ADGRD1: variants seen among roughly 807,000 people sequenced by gnomAD.
ADGRD1 encodes adhesion G protein-coupled receptor D1, also known as G-protein coupled receptor 133.
A neutral mutation model predicts 113.4 loss-of-function variants in ADGRD1; 77 were observed. That is an observed-to-expected ratio of 0.68 (90% CI 0.57 to 0.82). The LOEUF is 0.82. Among genes scored for constraint, ADGRD1 ranks in the 40% least tolerant of loss-of-function variants. ADGRD1 has a pLI of 0.00. For synonymous variants in ADGRD1, 474 were observed against 475.0 expected (o/e 1.00, Z 0.03); for missense variants, 1,036 against 1,139.1 (o/e 0.91, Z 1.30).
At chr12:131,009,282 TG>T (rs1417194514) in intron 12 of ADGRD1, among the ~76,000 whole-genome samples, 1 of 152,266 alleles carries the variant, frequency 6.6e-6, no homozygotes, top group African/African-American at 2.4e-5. Flanking sequence ...CAGACACACC[TG>T]AACTAAGCGA....
At chr12:130,957,587 C>A (rs1869806493) in intron 2 of ADGRD1, 1 of 152,334 alleles carries the variant, frequency 6.6e-6, no homozygotes, top group Non-Finnish European at 1.5e-5. Context: ...TATGTACACA[C>A]ACATGCACAT....
intron 11 of ADGRD1, 34 bp from the exon 12 acceptor site, chr12:131,005,938 G>C (rs35387826): frequency 6.4e-7 from 1 of 1,573,028 alleles, no homozygotes; most frequent in East Asian, 2.2e-5. Context: ...GGCCTGGAGC[G>C]CTGACAGCGC....
intron 19 of ADGRD1, 65 bp downstream of exon 19, chr12:131,118,516 C>T (rs908279885): frequency 7.2e-6 from 9 of 1,254,402 alleles, no homozygotes; most frequent in Admixed American, 2.0e-5. Flanking sequence ...GCGAGAGCCC[C>T]GTGGCTCTTG....
At chr12:131,036,606 GGGCCTCACTCACCGCACCA>G (rs1881438424) in intron 13 of ADGRD1, among the ~76,000 whole-genome samples, 2 of 125,998 alleles carry the variant, frequency 1.6e-5, no homozygotes, top group African/African-American at 5.7e-5. Flanking sequence ...TCACTGCACC[GGGCCTCACTCACCGCACCA>G]GGCCTCACTC....
At chr12:130,958,646 GC>G (rs1869971415) in intron 2 of ADGRD1, among the ~76,000 whole-genome samples, 1 of 152,274 alleles carries the variant, frequency 6.6e-6, no homozygotes, top group South Asian at 2.1e-4. Flanking sequence ...AGGCTCGCCT[GC>G]CCCCGGGCAG....
intron 12 of ADGRD1, among the ~76,000 whole-genome samples, chr12:131,011,553 A>C (rs1877898498): frequency 6.6e-6 from 1 of 152,058 alleles, no homozygotes; most frequent in African/African-American, 2.4e-5. Flanking sequence ...AGTGAACCAA[A>C]CGGGAAAGCA....
intron 15 of ADGRD1, among the ~76,000 whole-genome samples, chr12:131,088,294 C>T (rs1159104571): frequency 3.3e-5 from 5 of 152,180 alleles, no homozygotes; most frequent in African/African-American, 9.7e-5. Context: ...AGGTAGCACC[C>T]GGGCCATGGG....
chr12:130,972,147 G>A (rs553007894), intron 4 of ADGRD1, among the ~76,000 whole-genome samples: 4 of 152,314 alleles, frequency 2.6e-5, no homozygotes, highest in South Asian at 4.1e-4. Flanking sequence ...ACTTGCTTTC[G>A]TTTGCTTTTA....
intron 23 of ADGRD1, chr12:131,137,828 C>CCCCCCTCCCCCCCCCCCCCT: frequency 6.4e-6 from 1 of 155,788 alleles, no homozygotes; most frequent in Non-Finnish European, 1.4e-5. Flanking sequence ...GCCCACCCGC[C>CCCCCCTCCCCCCCCCCCCCT]TGCCTGCCCA....
intron 8 of ADGRD1, among the ~76,000 whole-genome samples, chr12:130,997,349 C>A (rs1194311321): frequency 1.3e-5 from 2 of 149,924 alleles, no homozygotes; most frequent in Non-Finnish European, 1.5e-5. Flanking sequence ...CGGGCGGAGA[C>A]GCTCCTCACT....
intron 13 of ADGRD1, among the ~76,000 whole-genome samples, chr12:131,064,494 A>G (rs75521271): frequency 0.011 from 1,658 of 152,334 alleles, 12 homozygotes; most frequent in Middle Eastern, 0.017. Context: ...CAGCATTCCA[A>G]TTGAAGACTG....
At chr12:130,959,598 G>A (rs943972062) in intron 2 of ADGRD1, among the ~76,000 whole-genome samples, 3 of 152,132 alleles carry the variant, frequency 2.0e-5, no homozygotes, top group Non-Finnish European at 2.9e-5. Flanking sequence ...TTATTGACTT[G>A]TCTGTGCACA....
At chr12:130,996,336 C>T (rs1194770321) in intron 8 of ADGRD1, among the ~76,000 whole-genome samples, 4 of 135,042 alleles carry the variant, frequency 3.0e-5, no homozygotes, top group South Asian at 2.3e-4. Context: ...GGGCTCCTCA[C>T]TTCCCAGTAG....
Position 131,072,073 on chromosome 12 carries a change from T to G in ADGRD1, c.1474-4728T>G, listed in dbSNP as rs556286254. On this transcript the variant is annotated intron_variant, in intron 13 of 24. Transcript: ENST00000261654. ...TCCCCACGCAATTCAGAGTACTTTC[T>G]TTTCTTTGGGTTTTGAAACAGCAAT... Among the ~76,000 whole-genome samples the G allele has an allele frequency of 1.5e-4, 23 of 150,910 alleles. No homozygotes were observed. The South Asian group carries it at 3.2e-3, about 21-fold the overall frequency.
At chr12:131,005,918 TC>T (rs1877046726) in intron 11 of ADGRD1, 53 bp from the exon 12 acceptor site, 3 of 1,419,152 alleles carry the variant, frequency 2.1e-6, no homozygotes. Context: ...TTTGTGTTTT[TC>T]CTGCCTGTGG....
intron 2 of ADGRD1, among the ~76,000 whole-genome samples, chr12:130,961,779 G>A (rs1055629453): frequency 1.1e-4 from 16 of 152,024 alleles, no homozygotes; most frequent in Non-Finnish European, 2.1e-4. Context: ...ACCACACAAT[G>A]TTTTATTTTA....
At chr12:131,034,398 C>T (rs1365958184) in intron 13 of ADGRD1, among the ~76,000 whole-genome samples, 1 of 152,368 alleles carries the variant, frequency 6.6e-6, no homozygotes, top group Admixed American at 6.5e-5. Context: ...CACTGCCCAG[C>T]CCAGCCTCGC....
intron 13 of ADGRD1, among the ~76,000 whole-genome samples, chr12:131,073,865 C>A (rs1475835810): frequency 2.6e-5 from 4 of 152,150 alleles, no homozygotes; most frequent in Non-Finnish European, 5.9e-5. Flanking sequence ...TAACTTACTC[C>A]CATAACAGTG....
At chr12:130,961,966 G>T (rs974281121) in intron 2 of ADGRD1, among the ~76,000 whole-genome samples, 1 of 152,248 alleles carries the variant, frequency 6.6e-6, no homozygotes, top group Admixed American at 6.5e-5. Context: ...AGTTTTCCAC[G>T]TCGCCTCCGC....
Sources: allele counts gnomAD v4.1 joint callset (sites outside exome capture counted in the v4.1 genomes callset), GRCh38; gene constraint gnomAD v4.1.1; transcripts MANE v1.5; gene names NCBI Gene and HGNC (gene_info 2026-07-23, HGNC 2026-07-21).